The following PITPNM3 variants were observed in gnomAD, a reference collection of about 807,000 sequenced individuals.
PITPNM3 encodes membrane-associated phosphatidylinositol transfer protein 3.
PITPNM3 carries 26 observed loss-of-function variants against 102.0 expected under a neutral mutation model. The observed-to-expected ratio is 0.25, with a 90% CI of 0.19 to 0.35. PITPNM3 has a LOEUF of 0.35. PITPNM3 is among the 10% of genes least tolerant of loss of function. PITPNM3 has a pLI of 1.00. For missense variants in PITPNM3, 1,083 were observed against 1,346.1 expected (o/e 0.80, Z 3.06); for synonymous variants, 578 against 558.6 (o/e 1.03, Z -0.49).
rs377089088 is a variant in PITPNM3 at position 6,510,339 on chromosome 17, C to G, written c.227-6765G>C. 2.2e-4 allele frequency among the ~76,000 whole-genome samples: 34 copies of G among 152,338 alleles called. No individual in the cohort carries two copies. The East Asian group carries it at 5.2e-3, about 23-fold the overall frequency. ...ACTCTCCAAATCTCCCTGCTTCCCA[C>G]ACCTCCCTCCGTACCTTTGTCCCTG... On this transcript the variant is annotated intron_variant, in intron 3 of 19. Coordinates refer to ENST00000262483, the MANE Select transcript of PITPNM3 (RefSeq NM_031220.4).
At chr17:6,471,519 C>T (rs557593919) in intron 11 of PITPNM3, among the ~76,000 whole-genome samples, 164 bp from the exon 12 acceptor site, 1 of 152,186 alleles carries the variant, frequency 6.6e-6, no homozygotes, top group Non-Finnish European at 1.5e-5. Flanking sequence ...ACTGTGCCCA[C>T]CCCACCAGTC....
rs181958074 is a variant in PITPNM3 at position 6,489,111 on chromosome 17, T to G, written c.275-4819A>C. Among the ~76,000 whole-genome samples the G allele has an allele frequency of 3.9e-3, 594 of 152,328 alleles. 5 individuals carry two copies. The highest frequency in any genetic ancestry group is 0.013 in the African/African-American group (557 of 41,556). On this transcript the variant is annotated intron_variant, in intron 4 of 19. Transcript: ENST00000262483. ...AGGTACAAATCGTGATCATCCCCTC[T>G]AATTACCAATGCGCCACACTGCTCT...
chr17:6,516,414 A>T (rs1419698016), intron 3 of PITPNM3, among the ~76,000 whole-genome samples: 2 of 151,262 alleles, frequency 1.3e-5, no homozygotes, highest in African/African-American at 4.9e-5. Context: ...ATACAAAAAA[A>T]TTAGCCAGGC....
intron 5 of PITPNM3, 151 bp downstream of exon 5, chr17:6,484,065 C>G (rs777606860): frequency 1.7e-5 from 15 of 890,846 alleles, no homozygotes; most frequent in Non-Finnish European, 2.6e-5. Context: ...TATGGGAACC[C>G]AAAGCCCAGA....
chr17:6,555,945 G>C (rs1597427365), intron 1 of PITPNM3, among the ~76,000 whole-genome samples: 1 of 152,164 alleles, frequency 6.6e-6, no homozygotes, highest in South Asian at 2.1e-4. Flanking sequence ...GGGCTGGGGC[G>C]GGGGGTTGTG....
chr17:6,469,133 C>A lies in PITPNM3; in HGVS notation c.1774-792G>T, dbSNP rs1904931255. ...GGGAGCTCCAGGACTCATCCCTGAA[C>A]TTCCCTCTCTGTAGGAGCACCCTTA... is the stretch of plus-strand genomic sequence containing the variant. On this transcript the variant is annotated intron_variant, in intron 13 of 19. Transcript: ENST00000262483. The surrounding 1 kb of genome is among the most constrained non-coding windows in gnomAD (Gnocchi z 4.0). 6.6e-6 allele frequency among the ~76,000 whole-genome samples: 1 copy of A among 152,188 alleles called. No individual in the cohort carries two copies. Among genetic ancestry groups the A allele is most frequent in the Non-Finnish European group, 1.5e-5 (1 of 68,028 alleles).
chr17:6,484,697 A>C (rs1410278693), intron 4 of PITPNM3, among the ~76,000 whole-genome samples: 4 of 152,138 alleles, frequency 2.6e-5, no homozygotes, highest in African/African-American at 9.7e-5. Context: ...GTGATGGCAA[A>C]GCGTACGCAC....
intron 1 of PITPNM3, among the ~76,000 whole-genome samples, chr17:6,544,865 TCA>T (rs898566098): frequency 7.6e-5 from 2 of 26,468 alleles, no homozygotes; most frequent in East Asian, 1.6e-3. Context: ...ACACACACAC[TCA>T]CACACACACA....
Position 6,556,305 on chromosome 17 carries a change from C to A in PITPNM3, c.22+80G>T. On this transcript the variant is annotated intron_variant, in intron 1 of 19. Transcript: ENST00000262483. The surrounding 1 kb of genome is among the most constrained non-coding windows in gnomAD (Gnocchi z 5.2). ...TCCGCCCACCTGCGCGAGGGGTTCA[C>A]CTGGGCCGGCGGCCCCTCCTCTAGA... 1 of 1,270,904 alleles carries A rather than the reference C, an allele frequency of 7.9e-7. No individual in the cohort carries two copies. 78.7% of individuals were successfully genotyped at this position (1,270,904 alleles called of 1,614,324 possible). A position where few individuals can be genotyped will look rare whatever the true frequency, so the allele number is the denominator to read the frequency against.
At chr17:6,542,452 C>G (rs1303737777) in intron 1 of PITPNM3, among the ~76,000 whole-genome samples, 1 of 152,170 alleles carries the variant, frequency 6.6e-6, no homozygotes, top group Non-Finnish European at 1.5e-5. Context: ...TTCTCTCCCT[C>G]TCTCCCTCAC....
At position 6,468,460 on chromosome 17, in the gene PITPNM3, T is replaced by A. The variant is rs34536093; in HGVS notation, c.1774-119A>T. The A allele has an allele frequency of 0.15, 149,452 of 985,426 alleles. 12,244 individuals carry two copies. The highest frequency in any genetic ancestry group is 0.17 in the South Asian group (12,890 of 77,628). The allele number at this position is 985,426 out of a possible 1,614,324, so 61.0% of individuals were successfully genotyped here. A position where few individuals can be genotyped will look rare whatever the true frequency, so the allele number is the denominator to read the frequency against. On this transcript the variant is annotated intron_variant, in intron 13 of 19. Coordinates refer to ENST00000262483, the MANE Select transcript of PITPNM3 (RefSeq NM_031220.4). The surrounding 1 kb of genome is among the most constrained non-coding windows in gnomAD (Gnocchi z 5.2). ...GCCCTGCCCCTGCAACCCCCCAACC[T>A]CACAGCCTGGAACCGTCAGGAGGCC...
At position 6,477,041 on chromosome 17, in the gene PITPNM3, G is replaced by C; in HGVS notation, c.1073C>G (p.Ala358Gly). Residue 358 changes from alanine (A) to glycine (G), a missense_variant, in exon 9 of 20, where the codon GCC (alanine) becomes GGC (glycine). By Grantham distance (60) the Ala-to-Gly change is moderately conservative (BLOSUM62 0). Around this residue, in one of 5 missense-constraint regions of PITPNM3, gnomAD observed 172 missense variants for 175.6 expected, o/e 0.98. Transcript: ENST00000262483. ...YDCEAITQHH[A>G]FLSSIHSSVL... ...AGGGAGGGGCTACCTTGAGAGGAAG[G>C]CATGGTGCTGGGTGATGGCCTCGCA... 1 of 1,614,084 alleles carries C rather than the reference G, an allele frequency of 6.2e-7. No homozygotes were observed. The highest frequency in any genetic ancestry group is 8.5e-7 in the Non-Finnish European group (1 of 1,180,006).
chr17:6,544,854 C>G (rs1440337734), intron 1 of PITPNM3, among the ~76,000 whole-genome samples: 1 of 26,910 alleles, frequency 3.7e-5, no homozygotes, highest in Non-Finnish European at 7.3e-5. Flanking sequence ...CAGCCACACA[C>G]ACACACACAC....
chr17:6,543,005 C>A (rs1164585160), intron 1 of PITPNM3, among the ~76,000 whole-genome samples: 1 of 152,126 alleles, frequency 6.6e-6, no homozygotes, highest in African/African-American at 2.4e-5. Context: ...GGATTACAGG[C>A]GTGAGCCACC....
At chr17:6,515,743 A>C (rs1908128721) in intron 3 of PITPNM3, among the ~76,000 whole-genome samples, 2 of 152,244 alleles carry the variant, frequency 1.3e-5, no homozygotes, top group Admixed American at 6.5e-5. Context: ...AAAACTCTGA[A>C]ATGTTCTAAA....
Position 6,537,902 on chromosome 17 carries a change from G to A in PITPNM3, c.118+85C>T, listed in dbSNP as rs1909527167. The A allele has an allele frequency of 9.0e-7, 1 of 1,114,426 alleles. No homozygotes were observed. Among genetic ancestry groups the A allele is most frequent in the Non-Finnish European group, 1.3e-6 (1 of 742,744 alleles). 69.0% of individuals were successfully genotyped at this position (1,114,426 alleles called of 1,614,324 possible). On this transcript the variant is annotated intron_variant, in intron 2 of 19. Coordinates refer to ENST00000262483, the MANE Select transcript of PITPNM3 (RefSeq NM_031220.4). This position sits in a 1 kb window ranked among gnomAD's most constrained non-coding sequence, Gnocchi z 4.4. ...GCAGATACCACGTCTGAGTGGGGAG[G>A]GATGCGGACCCCCAAATGGGATCTT...
At chr17:6,460,991 G>A (rs553056673) in intron 18 of PITPNM3, 14 of 332,600 alleles carry the variant, frequency 4.2e-5, no homozygotes, top group South Asian at 1.6e-4. Flanking sequence ...AAGCACATCC[G>A]GGTCACGGAA....
chr17:6,464,882 G>A (rs935286971), intron 14 of PITPNM3, 111 bp from the exon 15 acceptor site: 7 of 1,003,814 alleles, frequency 7.0e-6, no homozygotes, highest in Non-Finnish European at 1.1e-5. Flanking sequence ...GCTGAATCAT[G>A]TCTCTCTACT....
chr17:6,471,139 G>T, intron 12 of PITPNM3, 22 bp downstream of exon 12: 1 of 1,611,038 alleles, frequency 6.2e-7, no homozygotes, highest in South Asian at 1.1e-5. Context: ...TCCAGGCAGG[G>T]CCCCAAAAGG....
Sources: allele counts gnomAD v4.1 joint callset (sites outside exome capture counted in the v4.1 genomes callset), GRCh38; gene constraint gnomAD v4.1.1; regional missense constraint gnomAD v4.1.1; non-coding constraint Gnocchi (gnomAD v3.1); transcripts MANE v1.5; gene names NCBI Gene and HGNC (gene_info 2026-07-23, HGNC 2026-07-21).